The following LSAMP variants were observed in gnomAD, a reference collection of about 807,000 sequenced individuals.
The protein encoded by LSAMP is limbic system-associated membrane protein.
A neutral mutation model predicts 38.6 loss-of-function variants in LSAMP; 7 were observed. The ratio of observed to expected loss-of-function variants is 0.18; its 90% CI spans 0.10 to 0.34. LSAMP has a LOEUF of 0.34. LSAMP is among the 10% of genes least tolerant of loss of function. The pLI is 1.00. For synonymous variants in LSAMP, 154 were observed against 166.8 expected, an observed-to-expected ratio of 0.92 and a Z score of 0.59; for missense variants, 313 against 420.0, an observed-to-expected ratio of 0.75 and a Z score of 2.23.
chr3:116,102,033 T>C (rs1232584907), intron 1 of LSAMP, among the ~76,000 whole-genome samples: 2 of 152,210 alleles, frequency 1.3e-5, no homozygotes, highest in African/African-American at 4.8e-5. Flanking sequence ...CACAGAACTT[T>C]AAAATTTTTT....
At chr3:116,000,237 A>G (rs994007615) in intron 3 of LSAMP, among the ~76,000 whole-genome samples, 1 of 152,210 alleles carries the variant, frequency 6.6e-6, no homozygotes, top group Non-Finnish European at 1.5e-5. Flanking sequence ...TGTAAGTGCC[A>G]GGCTCTATGC....
rs559399611 is a variant in LSAMP, at chr3:116,029,974, G to C, written c.389-10334C>G. 1.2e-4 allele frequency among the ~76,000 whole-genome samples: 19 copies of C among 152,180 alleles called. 1 individual carries two copies. Among genetic ancestry groups the C allele is most frequent in the African/African-American group, 4.6e-4 (19 of 41,546 alleles). On this transcript the variant is annotated intron_variant, in intron 2 of 6. Coordinates refer to ENST00000490035, the MANE Select transcript of LSAMP (RefSeq NM_002338.5). Reference sequence around the variant, plus strand: ...CCAGACAGTTGCTACCATCAAAAAGGAGGGTTAATTTGAATTAGATGGCTC... The same window carrying C: ...CCAGACAGTTGCTACCATCAAAAAGCAGGGTTAATTTGAATTAGATGGCTC...
chr3:116,445,359 G>C lies in LSAMP; in HGVS notation c.-328C>G. 1.9e-6 allele frequency: 1 copy of C among 521,762 alleles called. No individual in the cohort carries two copies. Among genetic ancestry groups the C allele is most frequent in the Non-Finnish European group, 3.3e-6 (1 of 299,028 alleles). 32.3% of individuals were successfully genotyped at this position (521,762 alleles called of 1,614,324 possible). On this transcript the variant is annotated 5_prime_UTR_variant, in exon 1 of 7. Transcript: ENST00000490035. ...GTTCTTGTTTGGTCTCTCTGTGACT[G>C]GATGCTCCTCTGCCAGTGTCTGAGC...
intron 1 of LSAMP, among the ~76,000 whole-genome samples, chr3:116,411,615 G>T (rs1277363224): frequency 7.0e-5 from 9 of 128,088 alleles, no homozygotes; most frequent in African/African-American, 2.6e-4. Context: ...ATCTCACTCT[G>T]GGGACTGTTG....
At chr3:116,062,399 C>A (rs1455670108) in intron 2 of LSAMP, among the ~76,000 whole-genome samples, 1 of 152,172 alleles carries the variant, frequency 6.6e-6, no homozygotes, top group Admixed American at 6.5e-5. Flanking sequence ...ATCCCAGCTA[C>A]TCAGGAGGCT....
intron 3 of LSAMP, among the ~76,000 whole-genome samples, chr3:115,965,215 CAG>C (rs1335433405): frequency 6.6e-6 from 1 of 151,850 alleles, no homozygotes; most frequent in Non-Finnish European, 1.5e-5. Flanking sequence ...TTCCCAGAAA[CAG>C]ATATCTACAA....
intron 6 of LSAMP, among the ~76,000 whole-genome samples, chr3:115,839,274 C>CTTCCTTCTTTCT (rs1553738463): frequency 7.8e-5 from 9 of 115,406 alleles, no homozygotes; most frequent in Non-Finnish European, 1.6e-4. Context: ...TCCTTCCTTC[C>CTTCCTTCTTTCT]TTCCTTCCTT....
intron 1 of LSAMP, 66 bp downstream of exon 1, chr3:116,444,807 CACAA>C (rs746853816): frequency 3.3e-5 from 31 of 938,246 alleles, no homozygotes; most frequent in East Asian, 7.9e-5. Flanking sequence ...CACACACACA[CACAA>C]ACACACACAC....
At chr3:115,840,884 T>G (rs1433402326) in intron 6 of LSAMP, among the ~76,000 whole-genome samples, 1 of 152,256 alleles carries the variant, frequency 6.6e-6, no homozygotes, top group Non-Finnish European at 1.5e-5. Context: ...AGTACTTTTT[T>G]TAGACTTTTC....
chr3:116,376,605 C>A (rs1019458874), intron 1 of LSAMP, among the ~76,000 whole-genome samples: 5 of 151,892 alleles, frequency 3.3e-5, no homozygotes, highest in Non-Finnish European at 7.4e-5. Context: ...TTTCTTAGTG[C>A]AGTTTTTACA....
In LSAMP at chr3:116,128,397, G is replaced by T. The variant is rs1160912635; in HGVS notation, c.156-41841C>A. ...AAGCCATACTTTTCCCTGACTAAAT[G>T]ATGTTCTTAGAAGTTGGTAGAACAA... is the stretch of plus-strand genomic sequence containing the variant. On this transcript the variant is annotated intron_variant, in intron 1 of 6. Transcript: ENST00000490035. 2.0e-5 allele frequency among the ~76,000 whole-genome samples: 3 copies of T among 152,172 alleles called. No homozygotes were observed. In the East Asian group the frequency reaches 5.8e-4, roughly 29 times the overall value.
intron 1 of LSAMP, among the ~76,000 whole-genome samples, chr3:116,207,710 T>G (rs1450220912): frequency 3.3e-5 from 5 of 151,448 alleles, no homozygotes; most frequent in East Asian, 1.9e-4. Context: ...AATTCTTTTC[T>G]TTAAGAATGT....
chr3:115,983,118 T>C (rs772518236), intron 3 of LSAMP, among the ~76,000 whole-genome samples: 1 of 151,894 alleles, frequency 6.6e-6, no homozygotes, highest in Non-Finnish European at 1.5e-5. Flanking sequence ...AAACACCAAG[T>C]TAAAAACTTG....
intron 1 of LSAMP, among the ~76,000 whole-genome samples, chr3:116,162,354 C>T (rs1417252166): frequency 6.6e-6 from 1 of 152,064 alleles, no homozygotes; most frequent in Non-Finnish European, 1.5e-5. Flanking sequence ...CCCTAGAAAA[C>T]CAGTTCTGGC....
At position 116,040,015 on chromosome 3, in the gene LSAMP, C is replaced by T. The variant is rs569857883; in HGVS notation, c.389-20375G>A. Among the ~76,000 whole-genome samples, 458 of 152,124 alleles carry T rather than the reference C, an allele frequency of 3.0e-3. 4 individuals are homozygous for T. Among genetic ancestry groups the T allele is most frequent in the African/African-American group, 0.01 (429 of 41,468 alleles). ...TCTTTGGGGGGGGAAAAAAACTGGT[C>T]CCCTTTTCTACTTACTGGGAGTGGA... is the stretch of plus-strand genomic sequence containing the variant. On this transcript the variant is annotated intron_variant, in intron 2 of 6. Coordinates refer to ENST00000490035, the MANE Select transcript of LSAMP (RefSeq NM_002338.5).
At chr3:116,364,174 CA>C (rs2048325942) in intron 1 of LSAMP, among the ~76,000 whole-genome samples, 1 of 58,504 alleles carries the variant, frequency 1.7e-5, no homozygotes, top group Non-Finnish European at 2.9e-5. Context: ...TCTCAGGATA[CA>C]AAATCAGTGT....
At chr3:116,240,786 C>G (rs1383447370) in intron 1 of LSAMP, among the ~76,000 whole-genome samples, 1 of 152,174 alleles carries the variant, frequency 6.6e-6, no homozygotes, top group African/African-American at 2.4e-5. Flanking sequence ...TCATTAGATT[C>G]TCAAGAGAGC....
chr3:116,043,142 G>C (rs1006532934), intron 2 of LSAMP, among the ~76,000 whole-genome samples: 2 of 152,100 alleles, frequency 1.3e-5, no homozygotes, highest in African/African-American at 2.4e-5. Flanking sequence ...TTGAGATGCT[G>C]TTCCACTTAA....
chr3:115,896,294 C>T (rs919762289), intron 3 of LSAMP, among the ~76,000 whole-genome samples: 3 of 152,030 alleles, frequency 2.0e-5, no homozygotes, highest in Non-Finnish European at 2.9e-5. Context: ...ACAAAGTACA[C>T]TAGTAGCTAA....
Sources: allele counts gnomAD v4.1 joint callset (sites outside exome capture counted in the v4.1 genomes callset), GRCh38; gene constraint gnomAD v4.1.1; transcripts MANE v1.5; gene names NCBI Gene and HGNC (gene_info 2026-07-23, HGNC 2026-07-21).